The following RANBP17 variants were observed in gnomAD, a reference collection of about 807,000 sequenced individuals.
RANBP17 encodes the protein ran-binding protein 17.
A neutral mutation model predicts 141.2 loss-of-function variants in RANBP17; 158 were observed. That is an observed-to-expected ratio of 1.12 (90% CI 0.98 to 1.28). The LOEUF (loss-of-function observed/expected upper bound fraction) is 1.28, where lower values mean the gene tolerates loss of function less well. Among genes scored for constraint, RANBP17 ranks in the 50% most tolerant of loss-of-function variants. The pLI is 0.00. For synonymous variants in RANBP17, 430 were observed against 450.0 expected (o/e 0.96, Z 0.56); for missense variants, 1,438 against 1,290.7 (o/e 1.11, Z -1.75).
chr5:170,982,984 A>G (rs1472221355), intron 14 of RANBP17: 2 of 378,636 alleles, frequency 5.3e-6, no homozygotes, highest in Admixed American at 8.1e-5. Context: ...TATATCCAGT[A>G]AAACTTAAGT....
At chr5:171,290,784 T>C (rs1768446813) in intron 25 of RANBP17, among the ~76,000 whole-genome samples, 1 of 152,180 alleles carries the variant, frequency 6.6e-6, no homozygotes, top group Admixed American at 6.5e-5. Flanking sequence ...AGGACATGAA[T>C]TGGGGCCCTT....
At chr5:171,172,755 A>G (rs1322274171) in intron 16 of RANBP17, among the ~76,000 whole-genome samples, 4 of 151,748 alleles carry the variant, frequency 2.6e-5, no homozygotes, top group Non-Finnish European at 5.9e-5. Context: ...TATAAAATTA[A>G]TTTGATTTGT....
chr5:170,907,723 A>T (rs1771181410), intron 5 of RANBP17, among the ~76,000 whole-genome samples: 1 of 152,046 alleles, frequency 6.6e-6, no homozygotes, highest in African/African-American at 2.4e-5. Context: ...GAATAAGCGA[A>T]ATAATATATG....
Position 170,955,681 on chromosome 5 carries a change from T to TATATATATATACACAC in RANBP17, c.1574+1980_1574+1981insTATATATATACACACA, listed in dbSNP as rs769742239. Among the ~76,000 whole-genome samples the TATATATATATACACAC allele has an allele frequency of 1.3e-4, 5 of 39,094 alleles. 1 individual carries two copies. The highest frequency in any genetic ancestry group is 9.7e-4 in the Admixed American group (3 of 3,094). 25.6% of individuals were successfully genotyped at this position (39,094 alleles called of 152,430 possible). A position where few individuals can be genotyped will look rare whatever the true frequency, so the allele number is the denominator to read the frequency against. Reference sequence around the variant, plus strand: ...ATATATATATATATATATATATATATACACTGAATGAACTCTGTAGAGGAA... The same window carrying TATATATATATACACAC: ...ATATATATATATATATATATATATATATATATATATACACACACACTGAATGAACTCTGTAGAGGAA... On this transcript the variant is annotated intron_variant, in intron 13 of 27. Transcript: ENST00000523189.
intron 16 of RANBP17, 40 bp downstream of exon 16, chr5:171,171,326 A>G (rs769279258): frequency 1.2e-5 from 14 of 1,145,248 alleles, no homozygotes; most frequent in Middle Eastern, 4.0e-4. Context: ...TGTGTAAACA[A>G]CCTAGCAGAT....
intron 14 of RANBP17, among the ~76,000 whole-genome samples, chr5:171,021,682 A>G (rs576560713): frequency 6.6e-6 from 1 of 152,166 alleles, no homozygotes; most frequent in African/African-American, 2.4e-5. Context: ...ACCTTTTATC[A>G]TGTTTCTTAA....
chr5:171,183,896 G>C (rs1369030269), intron 18 of RANBP17, among the ~76,000 whole-genome samples: 1 of 152,194 alleles, frequency 6.6e-6, no homozygotes, highest in Non-Finnish European at 1.5e-5. Context: ...AAGATTTAAA[G>C]ACAAGGCAAT....
At position 171,030,234 on chromosome 5, in the gene RANBP17, C is replaced by G. The variant is rs745794308; in HGVS notation, c.1710+61857C>G. Among the ~76,000 whole-genome samples, 4 of 152,010 alleles carry G rather than the reference C, an allele frequency of 2.6e-5. 1 individual carries two copies. Among genetic ancestry groups the G allele is most frequent in the Non-Finnish European group, 5.9e-5 (4 of 67,922 alleles). On this transcript the variant is annotated intron_variant, in intron 14 of 27. Transcript: ENST00000523189. Reference sequence around the variant, plus strand: ...TTTTGTGTTTATTATTCAAAAACATCTATACTAGTTTTGAGCAAGAGAACA... The same window carrying G: ...TTTTGTGTTTATTATTCAAAAACATGTATACTAGTTTTGAGCAAGAGAACA...
Position 171,213,718 on chromosome 5 carries a change from G to A in RANBP17, c.2319G>A (p.Met773Ile), listed in dbSNP as rs373565909. Residue 773 changes from methionine (M) to isoleucine (I), a missense_variant, in exon 21 of 28, where the codon ATG becomes ATA. Met to Ile is a conservative substitution (Grantham distance 10, BLOSUM62 1). Coordinates refer to ENST00000523189, the MANE Select transcript of RANBP17 (RefSeq NM_022897.5). ...GTACAACTCCCATCTTGAAACTTAT[G>A]GCAGAACTTATGCAAAACAGGTAAG... ...PTCTTPILKL[M>I]AELMQNRSQR... The A allele has an allele frequency of 6.0e-5, 96 of 1,613,018 alleles. No homozygotes were observed. The highest frequency in any genetic ancestry group is 8.0e-5 in the Non-Finnish European group (94 of 1,179,208).
At chr5:171,105,745 C>A (rs540755423) in intron 14 of RANBP17, among the ~76,000 whole-genome samples, 5 of 151,810 alleles carry the variant, frequency 3.3e-5, no homozygotes, top group Non-Finnish European at 7.4e-5. Flanking sequence ...TTTATTCTAT[C>A]TTATATCTTT....
intron 14 of RANBP17, among the ~76,000 whole-genome samples, chr5:171,064,585 C>T: frequency 6.6e-6 from 1 of 152,164 alleles, no homozygotes; most frequent in East Asian, 1.9e-4. Context: ...CAACCTTCTC[C>T]TTCCAGGCTC....
chr5:170,895,969 T>C (rs1770079125), intron 4 of RANBP17, 81 bp from the exon 5 acceptor site: 1 of 665,892 alleles, frequency 1.5e-6, no homozygotes, highest in Non-Finnish European at 2.4e-6. Flanking sequence ...TCTTTAATTG[T>C]TTGTAAATGT....
intron 14 of RANBP17, among the ~76,000 whole-genome samples, chr5:171,127,896 C>T (rs1756608466): frequency 1.3e-5 from 2 of 152,204 alleles, no homozygotes; most frequent in African/African-American, 4.8e-5. Context: ...CACGGTGGCT[C>T]ACGCCTGTAA....
intron 14 of RANBP17, among the ~76,000 whole-genome samples, chr5:171,006,250 AT>A (rs1779595463): frequency 6.6e-6 from 1 of 152,230 alleles, no homozygotes; most frequent in Non-Finnish European, 1.5e-5. Context: ...TACTGGGTAT[AT>A]ACCCAAAGAA....
chr5:171,266,259 C>G (rs1164060044), intron 25 of RANBP17, among the ~76,000 whole-genome samples: 1 of 152,142 alleles, frequency 6.6e-6, no homozygotes, highest in African/African-American at 2.4e-5. Context: ...GTATGCCAGG[C>G]AGCTTGCTAG....
chr5:170,945,630 G>A (rs1199867072), intron 12 of RANBP17, among the ~76,000 whole-genome samples: 1 of 152,004 alleles, frequency 6.6e-6, no homozygotes. Flanking sequence ...TTATCTTCCA[G>A]TAGAGAAATA....
chr5:171,014,791 T>C (rs1490754097), intron 14 of RANBP17, among the ~76,000 whole-genome samples: 9 of 152,032 alleles, frequency 5.9e-5, no homozygotes, highest in Admixed American at 5.2e-4. Flanking sequence ...TCATGTGGTA[T>C]CATTTTCTTT....
chr5:171,077,300 A>G (rs1784991211), intron 14 of RANBP17, among the ~76,000 whole-genome samples: 1 of 152,072 alleles, frequency 6.6e-6, no homozygotes, highest in Non-Finnish European at 1.5e-5. Flanking sequence ...AGATCACGCC[A>G]CTGCACTCCA....
chr5:171,229,979 C>T (rs567425745), intron 22 of RANBP17, among the ~76,000 whole-genome samples: 5 of 151,782 alleles, frequency 3.3e-5, no homozygotes, highest in Non-Finnish European at 7.4e-5. Flanking sequence ...GCAGGAGAAT[C>T]GCTTGAACCC....
Sources: gnomAD v4.1 joint callset for allele counts (sites outside exome capture counted in the v4.1 genomes callset) on GRCh38, gnomAD v4.1.1 for gene constraint, MANE v1.5 for transcripts, NCBI Gene and HGNC (gene_info 2026-07-23, HGNC 2026-07-21) for gene names.